Variants in FNIP1 observed in about 807,000 individuals in gnomAD.
FNIP1 encodes folliculin interacting protein 1.
FNIP1 carries 40 observed loss-of-function variants against 124.5 expected under a neutral mutation model. The observed-to-expected ratio is 0.32, with a 90% CI of 0.25 to 0.42. The LOEUF (loss-of-function observed/expected upper bound fraction) is 0.42. Among genes scored for constraint, FNIP1 ranks in the 10% least tolerant of loss-of-function variants. The pLI is 1.00. For missense variants in FNIP1, 1,176 were observed against 1,403.7 expected (o/e 0.84, Z 2.59); for synonymous variants, 472 against 470.6 (o/e 1.00, Z -0.04).
intron 15 of FNIP1, among the ~76,000 whole-genome samples, chr5:131,657,175 T>C (rs1005133102): frequency 6.6e-6 from 1 of 152,072 alleles, no homozygotes; most frequent in African/African-American, 2.4e-5. Context: ...GGCTCATTTG[T>C]GTATTTTTAG....
chr5:131,689,373 C>T (rs1768398367), intron 11 of FNIP1, among the ~76,000 whole-genome samples: 1 of 151,850 alleles, frequency 6.6e-6, no homozygotes, highest in Non-Finnish European at 1.5e-5. Flanking sequence ...AAAAGAGTAT[C>T]CAAAAAGTAA....
chr5:131,676,758 A>T (rs1432984535), intron 13 of FNIP1, among the ~76,000 whole-genome samples: 1 of 152,100 alleles, frequency 6.6e-6, no homozygotes, highest in Non-Finnish European at 1.5e-5. Flanking sequence ...AGACTTCATT[A>T]AAAAAATGCA....
chr5:131,749,340 T>C (rs1770789343), intron 1 of FNIP1, among the ~76,000 whole-genome samples: 1 of 151,468 alleles, frequency 6.6e-6, no homozygotes, highest in African/African-American at 2.4e-5. Flanking sequence ...TCTCGCAAAA[T>C]CCATTCACAG....
chr5:131,774,079 T>G (rs541310264), intron 1 of FNIP1, among the ~76,000 whole-genome samples: 2 of 152,198 alleles, frequency 1.3e-5, no homozygotes, highest in Non-Finnish European at 2.9e-5. Flanking sequence ...CAAGCTGGAG[T>G]GCAGTGACGT....
intron 1 of FNIP1, among the ~76,000 whole-genome samples, chr5:131,765,227 GA>G (rs574824131): frequency 1.6e-3 from 236 of 147,222 alleles, no homozygotes; most frequent in Non-Finnish European, 2.6e-3. Context: ...GTCTGCGGGG[GA>G]AAAAAAAAAG....
At chr5:131,654,078 T>C (rs969982530) in intron 15 of FNIP1, among the ~76,000 whole-genome samples, 6 of 152,246 alleles carry the variant, frequency 3.9e-5, no homozygotes, top group Non-Finnish European at 8.8e-5. Flanking sequence ...TTTACTTTCA[T>C]TGTTAAAAAT....
At position 131,706,528 on chromosome 5, in the gene FNIP1, A is replaced by G. The variant is rs1341061379; in HGVS notation, c.797T>C (p.Leu266Pro). 2 of 1,604,718 alleles carry G rather than the reference A, an allele frequency of 1.2e-6. No individual in the cohort carries two copies. Among genetic ancestry groups the G allele is most frequent in the Non-Finnish European group, 8.5e-7 (1 of 1,175,224 alleles). The change falls in exon 9 of 18, where the codon CTG becomes CCG. Residue 266 changes from leucine to proline, a missense_variant. Physicochemically the swap from Leu to Pro is moderately conservative, Grantham distance 98. This residue lies in a region of FNIP1 where 1,109 missense variants were observed against 1,288.5 expected (regional missense o/e 0.86). Transcript: ENST00000510461. ...GTTTGGGGAAGGAAATGGAGTGATC[A>G]GCAAGCTGCTGAGAGATGCTGTTAA... is the stretch of plus-strand genomic sequence containing the variant. ...IARSASLSSL[L>P]ITPFPSPNSS...
chr5:131,723,159 A>C (rs1006729723), intron 3 of FNIP1, among the ~76,000 whole-genome samples: 1 of 152,182 alleles, frequency 6.6e-6, no homozygotes, highest in African/African-American at 2.4e-5. Context: ...TTTAATGATA[A>C]AATAGCTATT....
intron 11 of FNIP1, among the ~76,000 whole-genome samples, chr5:131,690,901 A>C (rs987335049): frequency 3.9e-5 from 6 of 152,120 alleles, no homozygotes; most frequent in African/African-American, 1.4e-4. Flanking sequence ...TAAATCCACT[A>C]TTTTCCTTAG....
chr5:131,732,668 T>C (rs1023277479), intron 2 of FNIP1, among the ~76,000 whole-genome samples: 4 of 152,226 alleles, frequency 2.6e-5, no homozygotes, highest in African/African-American at 4.8e-5. Flanking sequence ...CTGAGGGCTC[T>C]TTACTGTTCC....
At chr5:131,701,501 A>C (rs1397105977) in intron 10 of FNIP1, among the ~76,000 whole-genome samples, 2 of 152,206 alleles carry the variant, frequency 1.3e-5, no homozygotes, top group East Asian at 3.8e-4. Context: ...CCAATTGAAG[A>C]AATGTAATCA....
Position 131,770,790 on chromosome 5 carries a change from C to A in FNIP1, c.92+26040G>T, listed in dbSNP as rs1307744796. ...GAATGTGCATCACACACATCAAGAT[C>A]TCCAAAGTGATTATCACGTGAAGAA... On this transcript the variant is annotated intron_variant, in intron 1 of 17. Transcript: ENST00000510461. Among the ~76,000 whole-genome samples, 5 of 152,154 alleles carry A rather than the reference C, an allele frequency of 3.3e-5. No homozygotes were observed. In the East Asian group the frequency reaches 9.6e-4, roughly 29 times the overall value.
chr5:131,693,480 AAAAG>A (rs1768586173), intron 11 of FNIP1, among the ~76,000 whole-genome samples: 1 of 151,104 alleles, frequency 6.6e-6, no homozygotes, highest in Admixed American at 6.6e-5. Context: ...TTCAATTGAG[AAAAG>A]AAAGTATTTT....
chr5:131,709,162 T>G, intron 8 of FNIP1, 39 bp downstream of exon 8: 5 of 1,533,132 alleles, frequency 3.3e-6, no homozygotes, highest in Admixed American at 1.7e-5. Flanking sequence ...ATGCCAACAG[T>G]AATCTCATAA....
chr5:131,730,911 T>G lies in FNIP1; in HGVS notation c.347A>C (p.Lys116Thr). 1 of 1,602,494 alleles carries G rather than the reference T, an allele frequency of 6.2e-7. No individual in the cohort carries two copies. Among genetic ancestry groups the G allele is most frequent in the Non-Finnish European group, 8.5e-7 (1 of 1,175,196 alleles). ...TGACATCAATGATCTTACCTGGTAC[T>G]TAAGACACTGGTCTTTTATATCAGA... is the stretch of plus-strand genomic sequence containing the variant. ...SSSDIKDQCL[K>T]YQGSRCSSDA... Residue 116 changes from lysine (K) to threonine (T), a missense_variant, in exon 3 of 18, where the codon AAG (lysine) becomes ACG (threonine). By Grantham distance (78) the Lys-to-Thr change is moderately conservative (BLOSUM62 -1). Transcript: ENST00000510461.
intron 1 of FNIP1, among the ~76,000 whole-genome samples, chr5:131,753,092 C>T (rs951580972): frequency 6.6e-6 from 1 of 151,784 alleles, no homozygotes; most frequent in African/African-American, 2.4e-5. Flanking sequence ...CAAAAACATA[C>T]AAACAAACAA....
intron 1 of FNIP1, among the ~76,000 whole-genome samples, chr5:131,750,026 C>T (rs533855765): frequency 2.0e-5 from 3 of 152,270 alleles, no homozygotes; most frequent in South Asian, 4.1e-4. Context: ...TGCTGTACAT[C>T]TACATAACGT....
At chr5:131,671,000 C>G (rs1205521270) in intron 14 of FNIP1, among the ~76,000 whole-genome samples, 1 of 152,166 alleles carries the variant, frequency 6.6e-6, no homozygotes, top group Non-Finnish European at 1.5e-5. Context: ...TTAATACAAT[C>G]AGATTATGAA....
Position 131,671,740 on chromosome 5 carries a change from G to C in FNIP1, c.2704C>G (p.Gln902Glu). Reference protein sequence around the residue: ...PQDSCKTCFPQQDQRDTLSIL... With the variant: ...PQDSCKTCFPEQDQRDTLSIL... ...GAGAGTGTATCTCTTTGGTCCTGCT[G>C]AGGAAAGCAGGTTTTACATGAATCT... The change falls in exon 14 of 18, where the codon CAG becomes GAG. Residue 902 changes from glutamine to glutamate, a missense_variant. Gln to Glu is a conservative substitution (Grantham distance 29). Around this residue, in one of 2 missense-constraint regions of FNIP1, gnomAD observed 1,109 missense variants for 1,288.5 expected, o/e 0.86. Coordinates refer to ENST00000510461, the MANE Select transcript of FNIP1 (RefSeq NM_133372.3). The C allele has an allele frequency of 6.2e-7, 1 of 1,614,130 alleles. No homozygotes were observed. Among genetic ancestry groups the C allele is most frequent in the African/African-American group, 1.3e-5 (1 of 75,042 alleles).
Sources: allele counts gnomAD v4.1 joint callset (sites outside exome capture counted in the v4.1 genomes callset), GRCh38; gene constraint gnomAD v4.1.1; regional missense constraint gnomAD v4.1.1; transcripts MANE v1.5; gene names NCBI Gene and HGNC (gene_info 2026-07-23, HGNC 2026-07-21).